ANK3: variants seen among roughly 807,000 people sequenced by gnomAD.
The protein encoded by ANK3 is ankyrin-3.
A neutral mutation model predicts 370.9 loss-of-function variants in ANK3; 57 were observed. That is an observed-to-expected ratio of 0.15 (90% CI 0.12 to 0.19). The LOEUF is 0.19. Among genes scored for constraint, ANK3 ranks in the 10% least tolerant of loss-of-function variants. The probability of loss-of-function intolerance (pLI) is 1.00; values close to 1 mark genes in which losing one functional copy is unlikely to be tolerated. For synonymous variants in ANK3, 1,929 were observed against 1,946.3 expected (o/e 0.99, Z 0.23); for missense variants, 4,439 against 5,302.1 (o/e 0.84, Z 5.06).
chr10:60,431,029 G>C (rs1477005143), intron 2 of ANK3, among the ~76,000 whole-genome samples: 1 of 152,178 alleles, frequency 6.6e-6, no homozygotes, highest in African/African-American at 2.4e-5. Flanking sequence ...TTTTTCCACG[G>C]ACCAGGAGAG....
chr10:60,085,429 C>T (rs1482962019), intron 30 of ANK3, among the ~76,000 whole-genome samples, 176 bp from the exon 31 acceptor site: 2 of 151,994 alleles, frequency 1.3e-5, no homozygotes, highest in Non-Finnish European at 2.9e-5. Flanking sequence ...TATACTTTTA[C>T]CAGGCTTATT....
In ANK3 at chr10:60,197,154, C is replaced by T. The variant is rs4948256; in HGVS notation, c.1690-529G>A. ...TGTATACACAATCCTTATGTGTCCT[C>T]TAGTCTTCAGGAGGAGGAGTGAGAA... On this transcript the variant is annotated intron_variant, in intron 14 of 43. Coordinates refer to ENST00000280772, the MANE Select transcript of ANK3 (RefSeq NM_020987.5). 5.7e-3 allele frequency among the ~76,000 whole-genome samples: 865 copies of T among 152,216 alleles called. 9 individuals are homozygous for T. The highest frequency in any genetic ancestry group is 0.02 in the African/African-American group (832 of 41,542).
chr10:60,606,173 C>T (rs1191746590), intron 2 of ANK3, among the ~76,000 whole-genome samples: 2 of 152,066 alleles, frequency 1.3e-5, no homozygotes, highest in Non-Finnish European at 2.9e-5. Context: ...TCTCAGTTCC[C>T]TATACTTCCT....
At chr10:60,641,712 T>G (rs528476885) in intron 1 of ANK3, among the ~76,000 whole-genome samples, 1 of 152,266 alleles carries the variant, frequency 6.6e-6, no homozygotes, top group Admixed American at 6.5e-5. Flanking sequence ...ATTCAAGACA[T>G]AGGCTTGGGC....
chr10:60,514,937 TG>T (rs2076180663), intron 2 of ANK3, among the ~76,000 whole-genome samples: 1 of 152,176 alleles, frequency 6.6e-6, no homozygotes. Context: ...TGTCTTTGGT[TG>T]ATAACTAACT....
At chr10:60,621,783 A>G (rs1567184505) in intron 1 of ANK3, among the ~76,000 whole-genome samples, 2 of 152,214 alleles carry the variant, frequency 1.3e-5, no homozygotes, top group Admixed American at 6.5e-5. Context: ...AAAGACAAAT[A>G]CTACCACTAT....
intron 2 of ANK3, among the ~76,000 whole-genome samples, chr10:60,411,012 TCTC>T (rs2063548895): frequency 6.6e-6 from 1 of 152,090 alleles, no homozygotes; most frequent in South Asian, 2.1e-4. Context: ...TCCTTTTTCT[TCTC>T]CTGGCTTTTG....
chr10:60,272,589 C>T (rs1206561985), intron 4 of ANK3, among the ~76,000 whole-genome samples: 1 of 152,094 alleles, frequency 6.6e-6, no homozygotes, highest in African/African-American at 2.4e-5. Flanking sequence ...AAGAGATTCT[C>T]CTGCCTCAGC....
chr10:60,203,377 T>C (rs1278603923), intron 11 of ANK3, among the ~76,000 whole-genome samples: 11 of 152,004 alleles, frequency 7.2e-5, no homozygotes, highest in African/African-American at 2.7e-4. Flanking sequence ...ATGTAGATCT[T>C]TGAAAAAATT....
chr10:60,601,123 T>A (rs2078055405), intron 2 of ANK3, among the ~76,000 whole-genome samples: 1 of 151,748 alleles, frequency 6.6e-6, no homozygotes, highest in Non-Finnish European at 1.5e-5. Flanking sequence ...CTTTCACATG[T>A]CTTGCAAAGT....
chr10:60,556,522 T>G (rs908270783), intron 2 of ANK3, among the ~76,000 whole-genome samples: 7 of 152,188 alleles, frequency 4.6e-5, no homozygotes, highest in African/African-American at 1.4e-4. Flanking sequence ...TAAAAACTCA[T>G]GCAGGTATCC....
chr10:60,403,442 A>C (rs576067174), intron 2 of ANK3, among the ~76,000 whole-genome samples: 7 of 152,362 alleles, frequency 4.6e-5, no homozygotes, highest in African/African-American at 1.7e-4. Context: ...AGAAATGTAA[A>C]AATGCTTTAC....
chr10:60,152,363 T>C (rs1193740127), intron 23 of ANK3, among the ~76,000 whole-genome samples: 1 of 152,190 alleles, frequency 6.6e-6, no homozygotes, highest in Non-Finnish European at 1.5e-5. Context: ...CAGAGTTTAG[T>C]AGCTGTGACA....
At chr10:60,468,294 TC>T (rs1162773702) in intron 2 of ANK3, among the ~76,000 whole-genome samples, 4 of 152,108 alleles carry the variant, frequency 2.6e-5, no homozygotes, top group African/African-American at 9.7e-5. Context: ...TAAAAACTTT[TC>T]AAAAATATGT....
At position 60,202,894 on chromosome 10, in the gene ANK3, G is replaced by A. The variant is rs74675176; in HGVS notation, c.1392+108C>T. On this transcript the variant is annotated intron_variant, in intron 12 of 43. Coordinates refer to ENST00000280772, the MANE Select transcript of ANK3 (RefSeq NM_020987.5). ...TGTATTCCAGTCTGGGAGACAGAGC[G>A]ATACTCCAACTCTTAAAAAAATAAA... 6.9e-3 allele frequency: 4,833 copies of A among 702,976 alleles called. 144 individuals are homozygous for A. The highest frequency in any genetic ancestry group is 0.068 in the African/African-American group (3,766 of 55,042). 43.5% of individuals were successfully genotyped at this position (702,976 alleles called of 1,614,324 possible).
intron 1 of ANK3, among the ~76,000 whole-genome samples, chr10:60,660,121 C>A (rs1006862861): frequency 2.0e-5 from 3 of 152,000 alleles, no homozygotes; most frequent in Non-Finnish European, 4.4e-5. Context: ...TCTTGTGGCA[C>A]CTGTTTTTCT....
At chr10:60,449,348 A>G (rs574880234) in intron 2 of ANK3, among the ~76,000 whole-genome samples, 11 of 152,146 alleles carry the variant, frequency 7.2e-5, no homozygotes, top group African/African-American at 2.6e-4. Flanking sequence ...TTGCACAACA[A>G]ATGTTTGAAA....
chr10:60,049,480 G>A (rs938867017), intron 42 of ANK3, among the ~76,000 whole-genome samples: 1 of 152,042 alleles, frequency 6.6e-6, no homozygotes, highest in African/African-American at 2.4e-5. Flanking sequence ...TCAGCTACTT[G>A]GGAGGCTGGG....
At chr10:60,469,020 CCACTTTTAGTGT>C (rs2065084737) in intron 2 of ANK3, among the ~76,000 whole-genome samples, 2 of 26,204 alleles carry the variant, frequency 7.6e-5, no homozygotes, top group Admixed American at 3.6e-4. Context: ...TATATATATA[CCACTTTTAGTGT>C]ATATATATAT....
Sources: gnomAD v4.1 joint callset for allele counts (sites outside exome capture counted in the v4.1 genomes callset) on GRCh38, gnomAD v4.1.1 for gene constraint, MANE v1.5 for transcripts, NCBI Gene and HGNC (gene_info 2026-07-23, HGNC 2026-07-21) for gene names.